Variants in ASS1 observed in about 807,000 individuals in gnomAD.
ASS1 encodes argininosuccinate synthase 1, also known as argininosuccinate synthase.
A neutral mutation model predicts 60.5 loss-of-function variants in ASS1; 58 were observed. The observed-to-expected ratio is 0.96, with a 90% CI of 0.78 to 1.19. ASS1 has a LOEUF of 1.19. Ranked by LOEUF, ASS1 falls within the 50% of genes most tolerant of loss-of-function variation. ASS1 has a pLI of 0.00. For missense variants in ASS1, 454 were observed against 547.3 expected, an observed-to-expected ratio of 0.83 and a Z score of 1.70; for synonymous variants, 200 against 206.9, an observed-to-expected ratio of 0.97 and a Z score of 0.29.
intron 13 of ASS1, among the ~76,000 whole-genome samples, chr9:130,495,622 C>G (rs1846579620): frequency 6.6e-6 from 1 of 151,878 alleles, no homozygotes; most frequent in African/African-American, 2.4e-5. Flanking sequence ...GGGGAAGGAG[C>G]TGAAGCTAGA....
chr9:130,497,234 A>G (rs1363430303), intron 13 of ASS1, among the ~76,000 whole-genome samples: 1 of 152,240 alleles, frequency 6.6e-6, no homozygotes, highest in African/African-American at 2.4e-5. Context: ...AGGGGAAAAA[A>G]GAGAGAAAAG....
intron 11 of ASS1, among the ~76,000 whole-genome samples, chr9:130,482,626 G>A (rs1846201092): frequency 6.6e-6 from 1 of 152,122 alleles, no homozygotes; most frequent in Non-Finnish European, 1.5e-5. Flanking sequence ...TGAAGGAGGT[G>A]GTTAGTGATG....
intron 1 of ASS1, among the ~76,000 whole-genome samples, chr9:130,449,839 CA>C (rs1310701502): frequency 1.3e-5 from 2 of 152,062 alleles, no homozygotes; most frequent in Non-Finnish European, 2.9e-5. Context: ...AAATTGGACA[CA>C]AAAAAATATG....
rs1045706759 is a variant in ASS1 at position 130,493,325 on chromosome 9, G to A, written c.971-1542G>A. On this transcript the variant is annotated intron_variant, in intron 12 of 14. Coordinates refer to ENST00000352480, the MANE Select transcript of ASS1 (RefSeq NM_054012.4). ...AAACTGCAAATGCAAAACGCTTTGCGCTCTGTGCATTCCCTCACTGCATCC... is the reference window on the plus strand; with the variant it reads ...AAACTGCAAATGCAAAACGCTTTGCACTCTGTGCATTCCCTCACTGCATCC... Among the ~76,000 whole-genome samples, 12 of 152,240 alleles carry A rather than the reference G, an allele frequency of 7.9e-5. 1 individual carries two copies. Among genetic ancestry groups the A allele is most frequent in the Non-Finnish European group, 7.3e-5 (5 of 68,040 alleles).
At chr9:130,492,685 C>A (rs1180493165) in intron 12 of ASS1, among the ~76,000 whole-genome samples, 10 of 152,214 alleles carry the variant, frequency 6.6e-5, no homozygotes, top group African/African-American at 2.2e-4. Context: ...ACCTCCATTT[C>A]TTCAGCAATA....
At chr9:130,473,723 G>A (rs982367337) in intron 8 of ASS1, among the ~76,000 whole-genome samples, 4 of 152,198 alleles carry the variant, frequency 2.6e-5, no homozygotes, top group Non-Finnish European at 5.9e-5. Flanking sequence ...CTGCGGAAGG[G>A]AGGGCTTGAA....
At chr9:130,482,789 C>G (rs562310166) in intron 11 of ASS1, among the ~76,000 whole-genome samples, 9 of 152,214 alleles carry the variant, frequency 5.9e-5, no homozygotes, top group Non-Finnish European at 1.2e-4. Context: ...TCCTTACCAC[C>G]CACCTGGGGA....
chr9:130,470,543 C>A lies in ASS1; in HGVS notation c.496-291C>A, dbSNP rs1315979393. Among the ~76,000 whole-genome samples, 2 of 152,204 alleles carry A rather than the reference C, an allele frequency of 1.3e-5. No homozygotes were observed. The highest frequency in any genetic ancestry group is 2.9e-5 in the Non-Finnish European group (2 of 68,024). ...CCGGGAGACCTGGCTGGGCATGGCA[C>A]CTGCGTGCTTGCTCAGTGCTTCAGG... On this transcript the variant is annotated intron_variant, in intron 6 of 14. Transcript: ENST00000352480. The surrounding 1 kb of genome is among the most constrained non-coding windows in gnomAD (Gnocchi z 4.3).
Position 130,470,962 on chromosome 9 carries a change from A to G in ASS1, c.566+58A>G. The G allele has an allele frequency of 6.3e-7, 1 of 1,574,834 alleles. No homozygotes were observed. The highest frequency in any genetic ancestry group is 8.7e-7 in the Non-Finnish European group (1 of 1,145,520). On this transcript the variant is annotated intron_variant, in intron 7 of 14. Coordinates refer to ENST00000352480, the MANE Select transcript of ASS1 (RefSeq NM_054012.4). This position sits in a 1 kb window ranked among gnomAD's most constrained non-coding sequence, Gnocchi z 4.3. ...CCCGGGCTCATTCCAAAGGACGGCC[A>G]CGCGCTGCCCCAGGACGTCCTGGTG... is the stretch of plus-strand genomic sequence containing the variant.
chr9:130,484,400 C>T (rs143076488), intron 11 of ASS1, among the ~76,000 whole-genome samples: 1 of 152,108 alleles, frequency 6.6e-6, no homozygotes, highest in East Asian at 1.9e-4. Flanking sequence ...GTCCACTCTC[C>T]CCCCAGCCAC....
rs1358216843 is a variant in ASS1 at position 130,477,977 on chromosome 9, CT to C, written c.688+1017del. ...GGGAGGCAGAGCTGCAGATCCCCCT[CT>C]CCCCCTTGCTGGTGTGACCTTGACA... On this transcript the variant is annotated intron_variant, in intron 9 of 14. Coordinates refer to ENST00000352480, the MANE Select transcript of ASS1 (RefSeq NM_054012.4). The surrounding 1 kb of genome is among the most constrained non-coding windows in gnomAD (Gnocchi z 4.2). Among the ~76,000 whole-genome samples, 3 of 152,192 alleles carry C rather than the reference CT, an allele frequency of 2.0e-5. No individual in the cohort carries two copies. The highest frequency in any genetic ancestry group is 3.9e-4 in the East Asian group (2 of 5,180).
chr9:130,499,598 T>G, intron 14 of ASS1, 28 bp downstream of exon 14: 1 of 1,602,734 alleles, frequency 6.2e-7, no homozygotes. Context: ...CTGACGGGCC[T>G]TCAGAGCCTC....
intron 4 of ASS1, among the ~76,000 whole-genome samples, chr9:130,462,508 G>C (rs949580443): frequency 1.3e-5 from 2 of 152,120 alleles, no homozygotes; most frequent in African/African-American, 4.8e-5. Context: ...TGGCCTCTTC[G>C]AGGGTCTCTG....
rs879359122 is a variant in ASS1, at chr9:130,495,585, G to A, written c.1127+562G>A. Among the ~76,000 whole-genome samples, 26 of 152,108 alleles carry A rather than the reference G, an allele frequency of 1.7e-4. 1 individual carries two copies. The highest frequency in any genetic ancestry group is 2.1e-4 in the South Asian group (1 of 4,802). On this transcript the variant is annotated intron_variant, in intron 13 of 14. Transcript: ENST00000352480. ...GAAGGAGTTAACAGGTGAATGGGGG[G>A]AGGGGTGGAAGGGCAAAAGTGGCCA...
At chr9:130,475,294 C>T (rs935344926) in intron 8 of ASS1, among the ~76,000 whole-genome samples, 1 of 152,150 alleles carries the variant, frequency 6.6e-6, no homozygotes, top group Non-Finnish European at 1.5e-5. Context: ...GAGCATGTTC[C>T]CGTTTGTACC....
chr9:130,481,516 C>T (rs1306724118), intron 11 of ASS1, among the ~76,000 whole-genome samples: 1 of 152,194 alleles, frequency 6.6e-6, no homozygotes, highest in East Asian at 1.9e-4. Flanking sequence ...CCAAAGAGAG[C>T]CGATCACCCC....
Position 130,477,058 on chromosome 9 carries a change from G to T in ASS1, c.688+97G>T. The T allele has an allele frequency of 1.6e-6, 2 of 1,282,068 alleles. No homozygotes were observed. The highest frequency in any genetic ancestry group is 1.2e-5 in the South Asian group (1 of 82,316). The allele number at this position is 1,282,068 out of a possible 1,614,324, so 79.4% of individuals were successfully genotyped here. On this transcript the variant is annotated intron_variant, in intron 9 of 14. Coordinates refer to ENST00000352480, the MANE Select transcript of ASS1 (RefSeq NM_054012.4). The surrounding 1 kb of genome is among the most constrained non-coding windows in gnomAD (Gnocchi z 4.2). ...GGGAACCTAGGCCCTCTTTACCCCCGCCCTGCATTCCTGGAAGCTAGAGTT... is the reference window on the plus strand; with the variant it reads ...GGGAACCTAGGCCCTCTTTACCCCCTCCCTGCATTCCTGGAAGCTAGAGTT...
At chr9:130,471,231 G>GC (rs1044555184) in intron 7 of ASS1, among the ~76,000 whole-genome samples, 7 of 152,162 alleles carry the variant, frequency 4.6e-5, no homozygotes, top group South Asian at 2.1e-4. Flanking sequence ...AGAGGCAGAG[G>GC]CCCCCCCAAC....
chr9:130,470,855 G>A lies in ASS1; in HGVS notation c.517G>A (p.Val173Ile), dbSNP rs911748539. The A allele has an allele frequency of 6.2e-7, 1 of 1,613,976 alleles. No homozygotes were observed. The highest frequency in any genetic ancestry group is 8.5e-7 in the Non-Finnish European group (1 of 1,180,014). ...GCAGCAACACGGGATTCCCATCCCG[G>A]TCACTCCCAAGAACCCGTGGAGCAT... ...YAKQHGIPIP[V>I]TPKNPWSMDE... The change falls in exon 7 of 15, where the codon GTC (valine) becomes ATC (isoleucine). Residue 173 changes from valine (V) to isoleucine (I), a missense_variant. By Grantham distance (29) the Val-to-Ile change is conservative. Coordinates refer to ENST00000352480, the MANE Select transcript of ASS1 (RefSeq NM_054012.4). The surrounding 1 kb of genome is among the most constrained non-coding windows in gnomAD (Gnocchi z 4.3).
Sources: gnomAD v4.1 joint callset for allele counts (sites outside exome capture counted in the v4.1 genomes callset) on GRCh38, gnomAD v4.1.1 for gene constraint, Gnocchi (gnomAD v3.1) non-coding constraint, MANE v1.5 for transcripts, NCBI Gene and HGNC (gene_info 2026-07-23, HGNC 2026-07-21) for gene names.